Variants in WNK3 observed in about 807,000 individuals in gnomAD.
WNK3 encodes WNK lysine deficient protein kinase 3.
In WNK3, 18 loss-of-function variants were observed where a neutral mutation model predicts 116.7. The ratio of observed to expected loss-of-function variants is 0.15; its 90% CI spans 0.11 to 0.23. The LOEUF (loss-of-function observed/expected upper bound fraction) is 0.23. WNK3 is among the 10% of genes least tolerant of loss of function. WNK3 has a pLI of 1.00. For synonymous variants in WNK3, 404 were observed against 469.4 expected, an observed-to-expected ratio of 0.86 and a Z score of 1.80; for missense variants, 993 against 1,323.8, an observed-to-expected ratio of 0.75 and a Z score of 3.88.
At chrX:54,280,064 C>T (rs1053364370) in intron 10 of WNK3, among the ~76,000 whole-genome samples, 8 of 111,977 alleles carry the variant, frequency 7.1e-5, no homozygotes, top group African/African-American at 1.3e-4. Flanking sequence ...TTCGGGAGGC[C>T]GAGGCGGGTG....
chrX:54,280,449 TC>T (rs1557162114), intron 10 of WNK3, among the ~76,000 whole-genome samples: 24 of 111,726 alleles, frequency 2.1e-4, no homozygotes, highest in Admixed American at 6.7e-4. Flanking sequence ...TAATGGAAAC[TC>T]ACAAAAATCA....
At chrX:54,201,896 A>C in intron 23 of WNK3, 95 bp downstream of exon 23, 2 of 679,115 alleles carry the variant, frequency 2.9e-6, no homozygotes, top group Non-Finnish European at 4.5e-6. Context: ...AAGTCATACT[A>C]CTCTCTCATA....
At chrX:54,341,311 C>T (rs1196964051) in intron 1 of WNK3, among the ~76,000 whole-genome samples, 4 of 110,500 alleles carry the variant, frequency 3.6e-5, no homozygotes, top group Non-Finnish European at 5.7e-5. Flanking sequence ...GCAGGAAAAT[C>T]GCTTGAACCC....
At chrX:54,293,694 T>C (rs1465446189) in intron 8 of WNK3, among the ~76,000 whole-genome samples, 2 of 112,115 alleles carry the variant, frequency 1.8e-5, no homozygotes, top group Non-Finnish European at 3.8e-5. Flanking sequence ...TAGAATACTG[T>C]CTTTGTAGAA....
intron 20 of WNK3, among the ~76,000 whole-genome samples, chrX:54,234,954 A>T (rs2067946289): frequency 8.9e-6 from 1 of 112,338 alleles, no homozygotes; most frequent in Admixed American, 9.5e-5. Flanking sequence ...ACTGTATAGT[A>T]CTTAATATAT....
chrX:54,348,558 T>C (rs781988286), intron 1 of WNK3, among the ~76,000 whole-genome samples: 11 of 112,222 alleles, frequency 9.8e-5, no homozygotes, highest in Non-Finnish European at 2.1e-4. Context: ...ATGTAATACA[T>C]GTGTATCTTT....
chrX:54,357,431 T>C (rs1557179556), intron 1 of WNK3, among the ~76,000 whole-genome samples: 1 of 111,145 alleles, frequency 9.0e-6, no homozygotes, highest in African/African-American at 3.3e-5. Flanking sequence ...CCCTGTTCAT[T>C]TTCCTCTCCG....
chrX:54,214,874 G>A (rs1557144647), intron 22 of WNK3, among the ~76,000 whole-genome samples: 1 of 110,166 alleles, frequency 9.1e-6, no homozygotes, highest in African/African-American at 3.3e-5. Context: ...TTAGCCAGGC[G>A]TGGTGGCGGG....
intron 22 of WNK3, among the ~76,000 whole-genome samples, chrX:54,217,767 T>C (rs1351060816): frequency 9.0e-6 from 1 of 111,443 alleles, no homozygotes; most frequent in African/African-American, 3.3e-5. Context: ...CATGGCTCTT[T>C]GAAAAAGAAA....
chrX:54,250,529 G>A (rs1569536665), intron 15 of WNK3, among the ~76,000 whole-genome samples: 1 of 111,806 alleles, frequency 8.9e-6, no homozygotes, highest in African/African-American at 3.2e-5. Context: ...CAGTTTTACT[G>A]TATGACATTT....
At chrX:54,231,964 T>C (rs2067903371) in intron 21 of WNK3, among the ~76,000 whole-genome samples, 1 of 110,485 alleles carries the variant, frequency 9.1e-6, no homozygotes, top group African/African-American at 3.3e-5. Context: ...GTCAAAGAAG[T>C]ATATTTTACT....
chrX:54,303,847 C>A (rs1557168099), intron 5 of WNK3, among the ~76,000 whole-genome samples: 2 of 111,493 alleles, frequency 1.8e-5, no homozygotes, highest in Non-Finnish European at 1.9e-5. Context: ...CTGATATACT[C>A]ATTTCTCATC....
At chrX:54,283,482 C>G (rs950125279) in intron 10 of WNK3, among the ~76,000 whole-genome samples, 4 of 110,638 alleles carry the variant, frequency 3.6e-5, no homozygotes, top group Non-Finnish European at 7.6e-5. Flanking sequence ...ATAAAAATGA[C>G]AGATGGGCTG....
intron 10 of WNK3, among the ~76,000 whole-genome samples, chrX:54,282,578 A>AC (rs1201461716): frequency 8.9e-6 from 1 of 111,874 alleles, no homozygotes; most frequent in African/African-American, 3.2e-5. Context: ...ACACAACTTG[A>AC]CAAGCTGATC....
chrX:54,294,522 C>T lies in WNK3; in HGVS notation c.1693+31G>A, dbSNP rs374732540. 445 of 1,074,931 alleles carry T rather than the reference C, an allele frequency of 4.1e-4. No individual in the cohort carries two copies. The African/African-American group carries it at 6.6e-3, about 16-fold the overall frequency. 88.6% of individuals were successfully genotyped at this position (1,074,931 alleles called of 1,213,427 possible). A position where few individuals can be genotyped will look rare whatever the true frequency, so the allele number is the denominator to read the frequency against. On this transcript the variant is annotated intron_variant, in intron 8 of 23. Transcript: ENST00000354646. ...AGATTAGAGAATATAATTGCACATG[C>T]GTTTGCTTTTACAAGCTGTAACTGT...
chrX:54,297,432 C>A (rs2068710224), intron 7 of WNK3, among the ~76,000 whole-genome samples: 1 of 109,776 alleles, frequency 9.1e-6, no homozygotes, highest in African/African-American at 3.3e-5. Context: ...CAAAAATTAG[C>A]TGGGAGTGGT....
chrX:54,204,349 C>T (rs781939026), intron 22 of WNK3, among the ~76,000 whole-genome samples: 2 of 111,097 alleles, frequency 1.8e-5, no homozygotes, highest in African/African-American at 3.3e-5. Context: ...AACTTCTGAC[C>T]TCAAGTGATC....
rs782173132 is a variant in WNK3, at chrX:54,248,729, T to C, written c.3619A>G (p.Ile1207Val). 4.9e-5 allele frequency: 59 copies of C among 1,209,687 alleles called. No individual in the cohort carries two copies. The highest frequency in any genetic ancestry group is 5.7e-5 in the Non-Finnish European group (51 of 894,984). Reference sequence around the variant, plus strand: ...CACAATTCGCTGGGTACAGAAGTTATCACATTCAGGTCCCTTTTGAACACT... The same window carrying C: ...CACAATTCGCTGGGTACAGAAGTTACCACATTCAGGTCCCTTTTGAACACT... The change falls in exon 17 of 24, where the codon ATA becomes GTA. Residue 1207 changes from isoleucine (I) to valine (V), a missense_variant. By Grantham distance (29) the Ile-to-Val change is conservative. This residue lies in a region of WNK3 where 836 missense variants were observed against 976.5 expected (regional missense o/e 0.86). Coordinates refer to ENST00000354646, the Ensembl canonical transcript of WNK3.
chrX:54,249,170 C>T (rs2068102677), exon 17 of WNK3: 1 of 1,211,509 alleles, frequency 8.3e-7, no homozygotes, highest in South Asian at 1.8e-5. Flanking sequence ...GTAGTTTCTC[C>T]TTCTTGAGAA....
Sources: allele counts gnomAD v4.1 joint callset (sites outside exome capture counted in the v4.1 genomes callset), GRCh38; gene constraint gnomAD v4.1.1; regional missense constraint gnomAD v4.1.1; transcripts MANE v1.5; gene names NCBI Gene and HGNC (gene_info 2026-07-23, HGNC 2026-07-21).